The following SAMM50 variants were observed in gnomAD, a reference collection of about 807,000 sequenced individuals.
SAMM50 encodes sorting and assembly machinery component 50 homolog.
Under a neutral mutation model 66.9 loss-of-function variants are expected in SAMM50, and 47 were observed. The observed-to-expected ratio is 0.70, with a 90% confidence interval of 0.56 to 0.90. SAMM50 has a LOEUF of 0.90. Among genes scored for constraint, SAMM50 ranks in the 40% least tolerant of loss-of-function variants. The pLI is 0.00. For missense variants in SAMM50, 535 were observed against 595.3 expected (o/e 0.90, Z 1.05); for synonymous variants, 191 against 214.1 (o/e 0.89, Z 0.94).
intron 14 of SAMM50, among the ~76,000 whole-genome samples, chr22:43,991,543 C>T (rs1361311978): frequency 1.3e-5 from 2 of 152,122 alleles, no homozygotes; most frequent in African/African-American, 4.8e-5. Flanking sequence ...ACTGGGATTA[C>T]AGGTATGAGC....
chr22:43,985,854 T>A (rs1344814374), intron 12 of SAMM50, among the ~76,000 whole-genome samples: 1 of 151,908 alleles, frequency 6.6e-6, no homozygotes, highest in African/African-American at 2.4e-5. Flanking sequence ...AGAAAGTTTA[T>A]CATCTTAATG....
intron 1 of SAMM50, among the ~76,000 whole-genome samples, chr22:43,960,391 C>T (rs1052913757): frequency 6.6e-6 from 1 of 152,008 alleles, no homozygotes; most frequent in Non-Finnish European, 1.5e-5. Flanking sequence ...ATTCCCCATT[C>T]CACAAATATT....
At chr22:43,974,357 A>T (rs577848911) in intron 7 of SAMM50, among the ~76,000 whole-genome samples, 1 of 152,286 alleles carries the variant, frequency 6.6e-6, no homozygotes, top group Admixed American at 6.5e-5. Flanking sequence ...CAAATGACTC[A>T]TCTGTGAAAT....
chr22:43,993,995 C>T (rs961805216), intron 14 of SAMM50, among the ~76,000 whole-genome samples: 4 of 152,302 alleles, frequency 2.6e-5, no homozygotes, highest in Non-Finnish European at 2.9e-5. Flanking sequence ...TCTCTGGAGA[C>T]ACAGGGCTGA....
chr22:43,991,313 CTG>C (rs1277605247), intron 14 of SAMM50, among the ~76,000 whole-genome samples: 2 of 140,626 alleles, frequency 1.4e-5, no homozygotes, highest in Non-Finnish European at 3.0e-5. Flanking sequence ...CGGTCTTTCT[CTG>C]TCACCCAGCT....
Position 43,968,804 on chromosome 22 carries a change from T to C in SAMM50, c.308T>C (p.Ile103Thr), listed in dbSNP as rs779315929. Residue 103 changes from isoleucine (I) to threonine (T), a missense_variant, in exon 4 of 15, where the codon ATT becomes ACT. Coordinates refer to ENST00000350028, the MANE Select transcript of SAMM50 (RefSeq NM_015380.5). The part of the protein sequence containing the change: ...LGIFRQVDVL[I>T]DTCQGDDALP... ...ATTTTTAGACAAGTGGATGTTTTGA[T>C]TGACACATGTCAAGGTACATATTGT... The C allele has an allele frequency of 3.7e-6, 6 of 1,609,124 alleles. No individual in the cohort carries two copies. The highest frequency in any genetic ancestry group is 2.2e-5 in the South Asian group (2 of 90,998).
At chr22:43,961,725 T>C (rs181772723) in intron 1 of SAMM50, among the ~76,000 whole-genome samples, 2 of 152,282 alleles carry the variant, frequency 1.3e-5, no homozygotes, top group African/African-American at 4.8e-5. Context: ...GTTCTGGGAT[T>C]ACAGGTGTGA....
Position 43,988,854 on chromosome 22 carries a change from T to C in SAMM50, c.1076-257T>C, listed in dbSNP as rs183311496. The C allele has an allele frequency of 3.0e-4, 109 of 365,088 alleles. 1 individual carries two copies. The highest frequency in any genetic ancestry group is 1.9e-3 in the African/African-American group (91 of 48,738). 22.6% of individuals were successfully genotyped at this position (365,088 alleles called of 1,614,324 possible). ...TTCACAGATACGATGAATGACAGAG[T>C]GCATTCCTTCCTCAACGACATTGGC... On this transcript the variant is annotated intron_variant, in intron 12 of 14. Transcript: ENST00000350028.
chr22:43,981,516 C>A, intron 11 of SAMM50, 55 bp downstream of exon 11: 1 of 1,265,258 alleles, frequency 7.9e-7, no homozygotes, highest in Non-Finnish European at 1.2e-6. Flanking sequence ...TGGATCTTTT[C>A]AGTTGTTTTT....
intron 10 of SAMM50, among the ~76,000 whole-genome samples, chr22:43,978,167 G>T (rs549654734): frequency 6.6e-6 from 1 of 152,126 alleles, no homozygotes; most frequent in African/African-American, 2.4e-5. Context: ...CTGATGGCCG[G>T]GCGCAGTGGT....
chr22:43,967,017 T>C (rs199698905), intron 3 of SAMM50, among the ~76,000 whole-genome samples: 1 of 152,216 alleles, frequency 6.6e-6, no homozygotes, highest in East Asian at 1.9e-4. Context: ...TGCGCTTGCC[T>C]CTTCCCTGGG....
intron 1 of SAMM50, among the ~76,000 whole-genome samples, chr22:43,960,395 A>G (rs555601133): frequency 6.6e-6 from 1 of 152,272 alleles, no homozygotes; most frequent in African/African-American, 2.4e-5. Context: ...CCCATTCCAC[A>G]AATATTTATT....
chr22:43,989,662 G>GA (rs2050312769), intron 13 of SAMM50, among the ~76,000 whole-genome samples: 1 of 152,136 alleles, frequency 6.6e-6, no homozygotes, highest in African/African-American at 2.4e-5. Context: ...AGATTACATA[G>GA]TCATTAAAGT....
chr22:43,968,840 CT>C, intron 4 of SAMM50, 22 bp downstream of exon 4: 1 of 1,517,978 alleles, frequency 6.6e-7, no homozygotes, highest in South Asian at 1.1e-5. Flanking sequence ...GGTGTAGTAT[CT>C]TTATAATTCC....
chr22:43,957,975 G>C (rs986866746), intron 1 of SAMM50, among the ~76,000 whole-genome samples: 12 of 151,904 alleles, frequency 7.9e-5, no homozygotes, highest in African/African-American at 2.7e-4. Flanking sequence ...GGATGGTCTC[G>C]ATCTCCTGAC....
Position 43,976,177 on chromosome 22 carries a change from T to G in SAMM50, c.771T>G (p.Ser257=). The G allele has an allele frequency of 6.2e-7, 1 of 1,604,494 alleles. No individual in the cohort carries two copies. The highest frequency in any genetic ancestry group is 8.5e-7 in the Non-Finnish European group (1 of 1,172,042). ...AAAGCGGACATTCACTGAAATCATC[T>G]CTTTCGGTAACGGTTTCTCTTAGTT... ...RKESGHSLKS[S]LSHAMVIDSR... The change falls in exon 8 of 15, where the codon TCT becomes TCG. Residue 257 remains serine, a synonymous_variant. Coordinates refer to ENST00000350028, the MANE Select transcript of SAMM50 (RefSeq NM_015380.5).
intron 1 of SAMM50, chr22:43,957,053 C>A: frequency 9.8e-7 from 1 of 1,020,232 alleles, no homozygotes. Flanking sequence ...GGTCCAAGGC[C>A]ATTTTTGCTG....
chr22:43,987,376 A>G (rs1379422500), intron 12 of SAMM50: 16 of 152,366 alleles, frequency 1.1e-4, no homozygotes, highest in African/African-American at 3.6e-4. Context: ...GAATGATGGC[A>G]TGAGTAAATC....
At chr22:43,958,608 AG>A (rs2050132259) in intron 1 of SAMM50, among the ~76,000 whole-genome samples, 1 of 150,328 alleles carries the variant, frequency 6.7e-6, no homozygotes, top group Admixed American at 6.6e-5. Context: ...CCTCCCGAGT[AG>A]CTGGGACTAC....
Sources: allele counts gnomAD v4.1 joint callset (sites outside exome capture counted in the v4.1 genomes callset), GRCh38; gene constraint gnomAD v4.1.1; transcripts MANE v1.5; gene names NCBI Gene and HGNC (gene_info 2026-07-23, HGNC 2026-07-21).